The following USP24 variants were observed in gnomAD, a reference collection of about 807,000 sequenced individuals.
The protein encoded by USP24 is ubiquitin specific peptidase 24, also known as ubiquitin carboxyl-terminal hydrolase 24.
In USP24, 97 loss-of-function variants were observed where a neutral mutation model predicts 361.6. The observed-to-expected ratio is 0.27, with a 90% CI of 0.23 to 0.32. USP24 has a LOEUF of 0.32. USP24 is among the 10% of genes least tolerant of loss of function. USP24 has a pLI of 1.00. For synonymous variants in USP24, 1,098 were observed against 1,124.6 expected (o/e 0.98, Z 0.47); for missense variants, 2,353 against 3,165.6 (o/e 0.74, Z 6.16).
intron 32 of USP24, among the ~76,000 whole-genome samples, chr1:55,128,789 A>G (rs1043276046): frequency 5.6e-5 from 8 of 142,428 alleles, no homozygotes; most frequent in African/African-American, 1.1e-4. Context: ...ATTACTGCTC[A>G]CTGCAACTTC....
intron 28 of USP24, 128 bp downstream of exon 28, chr1:55,137,387 G>A: frequency 8.4e-7 from 1 of 1,189,940 alleles, no homozygotes; most frequent in Non-Finnish European, 1.1e-6. Flanking sequence ...TTTTAAGATG[G>A]AAGAAATAAC....
At chr1:55,083,151 G>T in intron 58 of USP24, 121 bp downstream of exon 58, 1 of 837,060 alleles carries the variant, frequency 1.2e-6, no homozygotes, top group Non-Finnish European at 1.8e-6. Flanking sequence ...GAATTTTCAA[G>T]TCTCTATGGT....
At chr1:55,097,806 T>A in intron 47 of USP24, 89 bp from the exon 48 acceptor site, 1 of 1,500,396 alleles carries the variant, frequency 6.7e-7, no homozygotes, top group Non-Finnish European at 8.9e-7. Flanking sequence ...AAGGCCTTTC[T>A]GATCCATGTG....
chr1:55,120,462 A>G, intron 38 of USP24, 134 bp downstream of exon 38: 1 of 1,089,306 alleles, frequency 9.2e-7, no homozygotes. Flanking sequence ...GCCATCTTTC[A>G]GGACCCAAAT....
chr1:55,085,909 G>A, intron 56 of USP24, 33 bp downstream of exon 56: 2 of 1,586,664 alleles, frequency 1.3e-6, no homozygotes, highest in Non-Finnish European at 1.7e-6. Flanking sequence ...TAAAAACACA[G>A]TGTATAAATA....
rs764984366 is a variant in USP24, at chr1:55,086,003, C to T, written c.6704G>A (p.Arg2235Gln). 3.1e-6 allele frequency: 5 copies of T among 1,613,940 alleles called. No individual in the cohort carries two copies. Among genetic ancestry groups the T allele is most frequent in the East Asian group, 2.2e-5 (1 of 44,878 alleles). ...CTCCAGAATGGTGGCCACAGCAACTCGTACTTCTCTCACATTGCACTCCAG... is the reference window on the plus strand; with the variant it reads ...CTCCAGAATGGTGGCCACAGCAACTTGTACTTCTCTCACATTGCACTCCAG... The part of the protein sequence containing the change: ...FLLECNVREV[R>Q]VAVATILEKT... Residue 2235 changes from arginine (R) to glutamine (Q), a missense_variant, in exon 56 of 68, where the codon CGA (arginine) becomes CAA (glutamine). Around this residue, in one of 8 missense-constraint regions of USP24, gnomAD observed 598 missense variants for 761.9 expected, o/e 0.78. Coordinates refer to ENST00000294383, the MANE Select transcript of USP24 (RefSeq NM_015306.3).
chr1:55,077,133 A>C, intron 62 of USP24, 102 bp downstream of exon 62: 1 of 1,132,168 alleles, frequency 8.8e-7, no homozygotes, highest in South Asian at 2.3e-5. Context: ...TGCAGACCAA[A>C]TGAATGGAGA....
chr1:55,079,762 C>A, intron 59 of USP24, 103 bp from the exon 60 acceptor site: 1 of 1,424,370 alleles, frequency 7.0e-7, no homozygotes. Context: ...CTCGCACACA[C>A]ACTGAGTACT....
Position 55,068,768 on chromosome 1 carries a change from C to G in USP24, c.*277G>C. The G allele has an allele frequency of 2.4e-6, 1 of 420,728 alleles. No homozygotes were observed. Among genetic ancestry groups the G allele is most frequent in the Non-Finnish European group, 4.2e-6 (1 of 237,638 alleles). The allele number at this position is 420,728 out of a possible 1,614,324, so 26.1% of individuals were successfully genotyped here. A position where few individuals can be genotyped will look rare whatever the true frequency, so the allele number is the denominator to read the frequency against. ...GTAACAAAAAAGTCTGCCACTGGCT[C>G]TATTTCCGAAAATCTCCACAGAAAT... On this transcript the variant is annotated 3_prime_UTR_variant, in exon 68 of 68. Transcript: ENST00000294383.
intron 17 of USP24, 144 bp downstream of exon 17, chr1:55,148,319 A>G (rs1171051727): frequency 3.5e-6 from 2 of 566,744 alleles, no homozygotes; most frequent in Non-Finnish European, 5.9e-6. Flanking sequence ...AATGATGCTT[A>G]AACTCAAGAT....
At position 55,125,468 on chromosome 1, in the gene USP24, C is replaced by T. The variant is rs1646400959; in HGVS notation, c.3812G>A (p.Arg1271His). 2.5e-6 allele frequency: 4 copies of T among 1,613,914 alleles called. No individual in the cohort carries two copies. The highest frequency in any genetic ancestry group is 2.2e-5 in the East Asian group (1 of 44,874). ...CTGCCGGCTGACATTTCGGAATGGG[C>T]GGGAAGAAAGTGCTTCTATACCATC... ...TKDGIEALSS[R>H]PFRNVSRQTS... The change falls in exon 34 of 68, where the codon CGC becomes CAC. Residue 1271 changes from arginine to histidine, a missense_variant. By Grantham distance (29) the Arg-to-His change is conservative (BLOSUM62 0). Coordinates refer to ENST00000294383, the MANE Select transcript of USP24 (RefSeq NM_015306.3).
chr1:55,154,654 T>G lies in USP24; in HGVS notation c.1554+17A>C. The G allele has an allele frequency of 6.2e-7, 1 of 1,606,850 alleles. No homozygotes were observed. Among genetic ancestry groups the G allele is most frequent in the South Asian group, 1.1e-5 (1 of 89,890 alleles). On this transcript the variant is annotated intron_variant, in intron 13 of 67. Coordinates refer to ENST00000294383, the MANE Select transcript of USP24 (RefSeq NM_015306.3). ...TTAAGAAAATTTAAAAGTAAGCAAGTCTGACTGAACACGTACCTTCTGAAT... is the reference window on the plus strand; with the variant it reads ...TTAAGAAAATTTAAAAGTAAGCAAGGCTGACTGAACACGTACCTTCTGAAT...
intron 16 of USP24, chr1:55,151,912 C>G (rs1368290325): frequency 2.0e-6 from 2 of 985,574 alleles, no homozygotes; most frequent in Admixed American, 1.2e-4. Flanking sequence ...CTTGTCTTAC[C>G]CTTTGCTTAG....
chr1:55,113,609 T>G (rs899910728), intron 38 of USP24, among the ~76,000 whole-genome samples: 5 of 152,200 alleles, frequency 3.3e-5, no homozygotes, highest in African/African-American at 9.6e-5. Flanking sequence ...ATATCCCTGA[T>G]GACATCGATG....
At chr1:55,153,091 C>A (rs1004850937) in intron 16 of USP24, among the ~76,000 whole-genome samples, 1 of 152,146 alleles carries the variant, frequency 6.6e-6, no homozygotes, top group Non-Finnish European at 1.5e-5. Flanking sequence ...TAAGTTTGGT[C>A]TGGGCACCCT....
chr1:55,134,574 G>A (rs574121437), intron 28 of USP24, among the ~76,000 whole-genome samples, 161 bp from the exon 29 acceptor site: 3 of 152,296 alleles, frequency 2.0e-5, no homozygotes, highest in Non-Finnish European at 4.4e-5. Context: ...AACACCACAT[G>A]GTAACATATT....
intron 26 of USP24, 59 bp from the exon 27 acceptor site, chr1:55,137,963 C>T: frequency 6.7e-7 from 1 of 1,489,248 alleles, no homozygotes; most frequent in African/African-American, 1.4e-5. Context: ...ATTTAAACAA[C>T]TGTGAGTGAA....
In USP24 at chr1:55,181,523, C is replaced by T. The variant is rs1271013323; in HGVS notation, c.325-3391G>A. On this transcript the variant is annotated intron_variant, in intron 1 of 67. Coordinates refer to ENST00000294383, the MANE Select transcript of USP24 (RefSeq NM_015306.3). The stretch of plus-strand genomic sequence containing the variant: ...AAAATTTAGCATAGTTTTAAATCTG[C>T]ACACATGTGAAATGCTTAAATTTAT... Among the ~76,000 whole-genome samples, 3 of 152,130 alleles carry T rather than the reference C, an allele frequency of 2.0e-5. No homozygotes were observed. The South Asian group carries it at 6.2e-4, about 32-fold the overall frequency.
chr1:55,120,210 A>C (rs1411534230), intron 38 of USP24, among the ~76,000 whole-genome samples: 1 of 152,196 alleles, frequency 6.6e-6, no homozygotes, highest in African/African-American at 2.4e-5. Flanking sequence ...GCAAGCTAGG[A>C]GGATACCTTG....
Sources: allele counts gnomAD v4.1 joint callset (sites outside exome capture counted in the v4.1 genomes callset), GRCh38; gene constraint gnomAD v4.1.1; regional missense constraint gnomAD v4.1.1; transcripts MANE v1.5; gene names NCBI Gene and HGNC (gene_info 2026-07-23, HGNC 2026-07-21).